DNAH9: variants seen among roughly 807,000 people sequenced by gnomAD.
DNAH9 encodes DNAH9 variant protein.
In DNAH9, 345 loss-of-function variants were observed where a neutral mutation model predicts 471.6. The observed-to-expected ratio is 0.73, with a 90% confidence interval of 0.67 to 0.80. The LOEUF (loss-of-function observed/expected upper bound fraction) is 0.80. DNAH9 is among the 30% of genes least tolerant of loss of function. The pLI is 0.00. For synonymous variants in DNAH9, 2,093 were observed against 2,123.6 expected (o/e 0.99, Z 0.40); for missense variants, 5,407 against 5,609.2 (o/e 0.96, Z 1.15).
At chr17:11,897,725 C>T (rs1416320386) in intron 59 of DNAH9, among the ~76,000 whole-genome samples, 1 of 152,174 alleles carries the variant, frequency 6.6e-6, no homozygotes, top group Non-Finnish European at 1.5e-5. Flanking sequence ...TTGGTTTCCT[C>T]ATCTGCAAAA....
At chr17:11,685,835 C>T (rs150872612) in intron 19 of DNAH9, among the ~76,000 whole-genome samples, 2,309 of 137,950 alleles carry the variant, frequency 0.017, 37 homozygotes, top group East Asian at 0.088. Flanking sequence ...GACGGAGTCT[C>T]GCTCTGTCAC....
Position 11,769,319 on chromosome 17 carries a change from A to G in DNAH9, c.7542A>G (p.Ala2514=). Residue 2514 remains alanine (A), a synonymous_variant, in exon 38 of 69, where the codon GCA becomes GCG. Transcript: ENST00000262442. ...CATTCAACTACTACACCACGTCAGCAATGCTGCAGGGTAAGCAGCCCAGGG... is the reference window on the plus strand; with the variant it reads ...CATTCAACTACTACACCACGTCAGCGATGCTGCAGGGTAAGCAGCCCAGGG... The part of the protein sequence containing the change: ...NVPFNYYTTS[A]MLQAVLEKPL... 1 of 1,611,972 alleles carries G rather than the reference A, an allele frequency of 6.2e-7. No homozygotes were observed. The highest frequency in any genetic ancestry group is 8.5e-7 in the Non-Finnish European group (1 of 1,179,166).
intron 61 of DNAH9, among the ~76,000 whole-genome samples, chr17:11,909,136 C>T (rs1973705132): frequency 6.6e-6 from 1 of 152,186 alleles, no homozygotes; most frequent in Non-Finnish European, 1.5e-5. Flanking sequence ...CTTCTAGCTA[C>T]TTGAAACTAT....
rs764143494 is a variant in DNAH9, at chr17:11,937,311, G to A, written c.12490-41G>A. 2.9e-5 allele frequency: 46 copies of A among 1,570,352 alleles called. 1 individual carries two copies. Among genetic ancestry groups the A allele is most frequent in the Middle Eastern group, 1.7e-4 (1 of 5,796 alleles). ...AGCCGGTGTGGGAGATGGGAGGTAC[G>A]TCCTGGTTTCTTTTTAAGTGAGCTT... On this transcript the variant is annotated intron_variant, in intron 65 of 68. Coordinates refer to ENST00000262442, the MANE Select transcript of DNAH9 (RefSeq NM_001372.4). The surrounding 1 kb of genome is among the most constrained non-coding windows in gnomAD (Gnocchi z 4.1).
intron 61 of DNAH9, among the ~76,000 whole-genome samples, chr17:11,908,677 A>G (rs9895507): frequency 0.18 from 27,459 of 152,240 alleles, 2,749 homozygotes; most frequent in African/African-American, 0.26. Context: ...ACGAAGTAAC[A>G]TCTAACATCA....
chr17:11,805,909 C>A (rs1259645840), intron 43 of DNAH9, among the ~76,000 whole-genome samples: 1 of 151,916 alleles, frequency 6.6e-6, no homozygotes, highest in Non-Finnish European at 1.5e-5. Context: ...AAATCTTGAA[C>A]CCTCTCCAGA....
chr17:11,733,390 G>C (rs1380985968), intron 28 of DNAH9, among the ~76,000 whole-genome samples: 1 of 152,222 alleles, frequency 6.6e-6, no homozygotes, highest in African/African-American at 2.4e-5. Context: ...CCTAGCCTGA[G>C]TGGGAGGATA....
At chr17:11,717,899 G>A (rs2074992861) in intron 26 of DNAH9, among the ~76,000 whole-genome samples, 1 of 151,990 alleles carries the variant, frequency 6.6e-6, no homozygotes, top group African/African-American at 2.4e-5. Flanking sequence ...TTTGAGACAG[G>A]GTTTCACTGT....
chr17:11,701,202 T>C lies in DNAH9; in HGVS notation c.5106T>C (p.Tyr1702=). Residue 1702 remains tyrosine (Y), a synonymous_variant, in exon 24 of 69, where the codon TAT becomes TAC. Transcript: ENST00000262442. The part of the protein sequence containing the change: ...RHEMTEGVTA[Y]EEKPREQWLF... ...AGATGACAGAAGGTGTAACTGCCTA[T>C]GAAGAAAAGCCGAGGGAGCAGTGGC... is the stretch of plus-strand genomic sequence containing the variant. 2.5e-6 allele frequency: 4 copies of C among 1,614,022 alleles called. No individual in the cohort carries two copies. Among genetic ancestry groups the C allele is most frequent in the Non-Finnish European group, 3.4e-6 (4 of 1,179,986 alleles).
intron 27 of DNAH9, among the ~76,000 whole-genome samples, chr17:11,726,328 G>A (rs934525310): frequency 1.4e-4 from 22 of 152,230 alleles, no homozygotes; most frequent in African/African-American, 4.8e-4. Flanking sequence ...AATAATCCTA[G>A]CCATGTAATG....
intron 36 of DNAH9, among the ~76,000 whole-genome samples, chr17:11,764,728 G>C (rs1967858055): frequency 6.6e-6 from 1 of 151,866 alleles, no homozygotes; most frequent in Non-Finnish European, 1.5e-5. Flanking sequence ...AAATTGCGAA[G>C]AGGGAAGATA....
chr17:11,813,114 T>C (rs1471854351), intron 45 of DNAH9, among the ~76,000 whole-genome samples: 1 of 152,172 alleles, frequency 6.6e-6, no homozygotes, highest in Non-Finnish European at 1.5e-5. Context: ...ATTTTTCATT[T>C]AGAACACAAC....
chr17:11,768,660 C>A, intron 37 of DNAH9, 34 bp downstream of exon 37: 1 of 1,601,504 alleles, frequency 6.2e-7, no homozygotes. Context: ...GACGTGCGTG[C>A]AGTTGCCCTC....
At chr17:11,619,865 A>G (rs2072818638) in intron 6 of DNAH9, 84 bp downstream of exon 6, 2 of 771,738 alleles carry the variant, frequency 2.6e-6, no homozygotes, top group Admixed American at 2.0e-5. Flanking sequence ...AGGAAAATGC[A>G]CAACACAACC....
At chr17:11,889,393 G>A (rs1972980848) in intron 57 of DNAH9, among the ~76,000 whole-genome samples, 1 of 152,204 alleles carries the variant, frequency 6.6e-6, no homozygotes, top group South Asian at 2.1e-4. Context: ...AGTTATGTAA[G>A]TTCCAAATTA....
chr17:11,694,224 T>A, intron 21 of DNAH9, 97 bp from the exon 22 acceptor site: 1 of 1,383,500 alleles, frequency 7.2e-7, no homozygotes, highest in Non-Finnish European at 1.0e-6. Context: ...CTAATGCATA[T>A]GTTCCGTCTA....
At chr17:11,922,607 A>G (rs1974172862) in intron 61 of DNAH9, among the ~76,000 whole-genome samples, 1 of 152,216 alleles carries the variant, frequency 6.6e-6, no homozygotes, top group Non-Finnish European at 1.5e-5. Context: ...ATCCATCTGC[A>G]ACACCAGCAA....
chr17:11,969,430 A>G lies in DNAH9; in HGVS notation c.13364A>G (p.Gln4455Arg), dbSNP rs200749236. The change falls in exon 69 of 69, where the codon CAG (glutamine) becomes CGG (arginine). Residue 4455 changes from glutamine (Q) to arginine (R), a missense_variant. Coordinates refer to ENST00000262442, the MANE Select transcript of DNAH9 (RefSeq NM_001372.4). ...TCCTGTCCTGTGTACAAGACTAGTC[A>G]GCGGGGACCCACCTACGTGTGGACT... ...VYSCPVYKTS[Q>R]RGPTYVWTFN... 7.8e-5 allele frequency: 126 copies of G among 1,614,130 alleles called. No homozygotes were observed. The Admixed American group carries it at 9.5e-4, about 12-fold the overall frequency.
intron 42 of DNAH9, among the ~76,000 whole-genome samples, chr17:11,796,873 T>C (rs1688325615): frequency 6.6e-6 from 1 of 152,192 alleles, no homozygotes. Flanking sequence ...CTTAGAGATA[T>C]ATTGGTGAAG....
Sources: gnomAD v4.1 joint callset for allele counts (sites outside exome capture counted in the v4.1 genomes callset) on GRCh38, gnomAD v4.1.1 for gene constraint, Gnocchi (gnomAD v3.1) non-coding constraint, MANE v1.5 for transcripts, NCBI Gene and HGNC (gene_info 2026-07-23, HGNC 2026-07-21) for gene names.